The following CORIN variants were observed in gnomAD, a reference collection of about 807,000 sequenced individuals.
The protein encoded by CORIN is corin, serine peptidase, also known as atrial natriuretic peptide-converting enzyme.
Under a neutral mutation model 125.3 loss-of-function variants are expected in CORIN, and 117 were observed. The ratio of observed to expected loss-of-function variants is 0.93; its 90% CI spans 0.80 to 1.09. The LOEUF (loss-of-function observed/expected upper bound fraction) is 1.09, where lower values mean the gene tolerates loss of function less well. Ranked by LOEUF, CORIN falls within the 50% of genes least tolerant of loss-of-function variation. The probability of loss-of-function intolerance (pLI) is 0.00; values close to 1 mark genes in which losing one functional copy is unlikely to be tolerated. For synonymous variants in CORIN, 450 were observed against 466.4 expected, an observed-to-expected ratio of 0.96 and a Z score of 0.45; for missense variants, 1,253 against 1,306.7, an observed-to-expected ratio of 0.96 and a Z score of 0.63.
chr4:47,666,102 C>T (rs1724466188), intron 10 of CORIN, among the ~76,000 whole-genome samples: 1 of 152,172 alleles, frequency 6.6e-6, no homozygotes, highest in Non-Finnish European at 1.5e-5. Context: ...CCCCAACAAG[C>T]TAACTCCTCT....
At chr4:47,659,100 T>C (rs950273504) in intron 12 of CORIN, among the ~76,000 whole-genome samples, 4 of 152,154 alleles carry the variant, frequency 2.6e-5, no homozygotes, top group Admixed American at 2.0e-4. Context: ...GGTGAACCTT[T>C]CCCCCGGTTC....
intron 17 of CORIN, among the ~76,000 whole-genome samples, chr4:47,624,876 A>G (rs533130680): frequency 5.7e-4 from 75 of 130,540 alleles, no homozygotes; most frequent in Non-Finnish European, 1.1e-3. Context: ...GATCTATCAG[A>G]TTGAAAAAAA....
chr4:47,828,830 C>A (rs1696052942), intron 1 of CORIN, among the ~76,000 whole-genome samples: 1 of 151,608 alleles, frequency 6.6e-6, no homozygotes, highest in African/African-American at 2.4e-5. Flanking sequence ...TGGAGAAATG[C>A]TGTAAGGGTA....
intron 3 of CORIN, among the ~76,000 whole-genome samples, chr4:47,773,754 AC>A (rs1360059818): frequency 6.6e-6 from 1 of 151,928 alleles, no homozygotes; most frequent in Non-Finnish European, 1.5e-5. Context: ...TAATAAATAT[AC>A]CTTTTATATT....
At chr4:47,649,460 G>A (rs1366192912) in intron 13 of CORIN, among the ~76,000 whole-genome samples, 1 of 152,228 alleles carries the variant, frequency 6.6e-6, no homozygotes, top group South Asian at 2.1e-4. Flanking sequence ...GGCTGGGGCA[G>A]CCTTTGAAAG....
At chr4:47,686,185 A>G (rs991074370) in intron 6 of CORIN, among the ~76,000 whole-genome samples, 2 of 151,780 alleles carry the variant, frequency 1.3e-5, no homozygotes, top group East Asian at 1.9e-4. Flanking sequence ...TAAAAAAAAA[A>G]CAACTTAAAG....
intron 10 of CORIN, among the ~76,000 whole-genome samples, chr4:47,670,614 C>G (rs1369451918): frequency 6.6e-6 from 1 of 152,146 alleles, no homozygotes; most frequent in Non-Finnish European, 1.5e-5. Flanking sequence ...CTGTGGGAGG[C>G]TTGAGAGAGG....
intron 13 of CORIN, among the ~76,000 whole-genome samples, chr4:47,651,825 AC>A (rs1723741677): frequency 6.6e-6 from 1 of 152,326 alleles, no homozygotes; most frequent in Admixed American, 6.5e-5. Context: ...TAAACCCTAT[AC>A]CAATATGATA....
intron 5 of CORIN, 67 bp downstream of exon 5, chr4:47,744,335 C>A: frequency 7.3e-7 from 1 of 1,366,080 alleles, no homozygotes. Context: ...TTATTTATAT[C>A]CATTCCTGTA....
chr4:47,837,836 TAA>T (rs1560572318), intron 1 of CORIN, 49 bp downstream of exon 1: 1 of 1,508,972 alleles, frequency 6.6e-7, no homozygotes, highest in South Asian at 1.1e-5. Context: ...TCACCGGGAC[TAA>T]GAGGCCATCA....
chr4:47,779,560 C>T (rs545118607), intron 3 of CORIN, among the ~76,000 whole-genome samples: 337 of 151,948 alleles, frequency 2.2e-3, no homozygotes, highest in South Asian at 0.011. Flanking sequence ...CTCAGCCTCC[C>T]GAGTAGCTGG....
chr4:47,646,347 T>A (rs531264510), intron 13 of CORIN, among the ~76,000 whole-genome samples: 1 of 152,334 alleles, frequency 6.6e-6, no homozygotes, highest in East Asian at 1.9e-4. Flanking sequence ...CAAAAGCTAT[T>A]ACTTTATGGT....
At chr4:47,726,668 C>T (rs1264580376) in intron 5 of CORIN, among the ~76,000 whole-genome samples, 1 of 152,004 alleles carries the variant, frequency 6.6e-6, no homozygotes, top group Non-Finnish European at 1.5e-5. Context: ...TATATATACA[C>T]ACACATACAG....
chr4:47,623,717 C>T lies in CORIN; in HGVS notation c.2394G>A (p.Met798Ile), dbSNP rs1469333413. 6.2e-7 allele frequency: 1 copy of T among 1,614,098 alleles called. No homozygotes were observed. The highest frequency in any genetic ancestry group is 1.3e-5 in the African/African-American group (1 of 74,938). The change falls in exon 19 of 22, where the codon ATG (methionine) becomes ATA (isoleucine). Residue 798 changes from methionine to isoleucine, a missense_variant. Physicochemically the swap from Met to Ile is conservative, Grantham distance 10. Transcript: ENST00000273857. ...QDCGRRPAARMNKRILGGRTS... is the reference protein window; with the variant it reads ...QDCGRRPAARINKRILGGRTS... ...TCCGACCTCCAAGGATCCTTTTGTTCATTCGGGCAGCAGGGCGGCGCCCAC... is the reference window on the plus strand; with the variant it reads ...TCCGACCTCCAAGGATCCTTTTGTTTATTCGGGCAGCAGGGCGGCGCCCAC...
chr4:47,651,567 G>T (rs1723731499), intron 13 of CORIN, among the ~76,000 whole-genome samples: 1 of 152,218 alleles, frequency 6.6e-6, no homozygotes, highest in Admixed American at 6.5e-5. Flanking sequence ...GTTTTCTATT[G>T]TTAGTCACTT....
At chr4:47,704,203 C>T (rs1425556329) in intron 5 of CORIN, among the ~76,000 whole-genome samples, 4 of 152,108 alleles carry the variant, frequency 2.6e-5, no homozygotes, top group Admixed American at 2.0e-4. Flanking sequence ...CAAAGCCACA[C>T]AGACTAAACC....
In CORIN at chr4:47,637,150, T is replaced by C. The variant is rs191416432; in HGVS notation, c.2198+4770A>G. Among the ~76,000 whole-genome samples the C allele has an allele frequency of 2.5e-3, 384 of 152,270 alleles. 3 individuals carry two copies. The highest frequency in any genetic ancestry group is 0.014 in the Middle Eastern group (4 of 294). ...ATTTTGCCCCTGCCCTAGAGATTTGTGGAACTTTGAACTTGACAGATGATT... is the reference window on the plus strand; with the variant it reads ...ATTTTGCCCCTGCCCTAGAGATTTGCGGAACTTTGAACTTGACAGATGATT... On this transcript the variant is annotated intron_variant, in intron 16 of 21. Transcript: ENST00000273857.
chr4:47,816,428 A>G (rs1174402989), intron 1 of CORIN, among the ~76,000 whole-genome samples: 1 of 152,190 alleles, frequency 6.6e-6, no homozygotes, highest in African/African-American at 2.4e-5. Flanking sequence ...GGTTTATTCC[A>G]CAAATGCTTA....
chr4:47,826,900 G>C (rs530669946), intron 1 of CORIN, among the ~76,000 whole-genome samples: 1 of 152,002 alleles, frequency 6.6e-6, no homozygotes, highest in Admixed American at 6.6e-5. Context: ...TGCTATAAGG[G>C]TAGTGAAATT....
Sources: gnomAD v4.1 joint callset for allele counts (sites outside exome capture counted in the v4.1 genomes callset) on GRCh38, gnomAD v4.1.1 for gene constraint, MANE v1.5 for transcripts, NCBI Gene and HGNC (gene_info 2026-07-23, HGNC 2026-07-21) for gene names.